Variants in ZFHX4 observed in about 807,000 individuals in gnomAD.
ZFHX4 encodes zinc finger homeobox 4, also known as zinc finger homeobox protein 4.
Under a neutral mutation model 267.6 loss-of-function variants are expected in ZFHX4, and 56 were observed. The observed-to-expected ratio is 0.21, with a 90% CI of 0.17 to 0.26. The LOEUF is 0.26. Ranked by LOEUF, ZFHX4 falls within the 10% of genes least tolerant of loss-of-function variation. The pLI is 1.00. For synonymous variants in ZFHX4, 1,778 were observed against 1,665.6 expected, an observed-to-expected ratio of 1.07 and a Z score of -1.64; for missense variants, 4,332 against 4,420.0, an observed-to-expected ratio of 0.98 and a Z score of 0.56.
At chr8:76,808,316 A>G (rs1381749085) in intron 4 of ZFHX4, among the ~76,000 whole-genome samples, 1 of 152,130 alleles carries the variant, frequency 6.6e-6, no homozygotes, top group Non-Finnish European at 1.5e-5. Context: ...AATCTATCTA[A>G]ACATTCTTCC....
chr8:76,770,960 G>A (rs1423667592), intron 3 of ZFHX4, among the ~76,000 whole-genome samples: 1 of 152,108 alleles, frequency 6.6e-6, no homozygotes, highest in East Asian at 1.9e-4. Flanking sequence ...TAGGTATAAG[G>A]ATTCCATTCT....
At chr8:76,731,679 C>A (rs1437977409) in intron 3 of ZFHX4, among the ~76,000 whole-genome samples, 2 of 151,820 alleles carry the variant, frequency 1.3e-5, no homozygotes. Context: ...TTCACACTTT[C>A]AGTATTAGTA....
intron 1 of ZFHX4, among the ~76,000 whole-genome samples, chr8:76,688,112 T>G (rs2131579148): frequency 6.6e-6 from 1 of 152,288 alleles, no homozygotes; most frequent in East Asian, 1.9e-4. Context: ...GGTTTGTATA[T>G]AGAAGAGTTT....
intron 1 of ZFHX4, among the ~76,000 whole-genome samples, chr8:76,683,485 C>T (rs1178571953): frequency 6.6e-6 from 1 of 151,580 alleles, no homozygotes; most frequent in Admixed American, 6.6e-5. Context: ...CAGACAGAGG[C>T]AGGTTCACCA....
rs79675616 is a variant in ZFHX4 at position 76,799,649 on chromosome 8, C to T, written c.3325+21210C>T. Among the ~76,000 whole-genome samples the T allele has an allele frequency of 7.8e-3, 1,191 of 152,286 alleles. 16 individuals are homozygous for T. The highest frequency in any genetic ancestry group is 0.028 in the African/African-American group (1,154 of 41,582). On this transcript the variant is annotated intron_variant, in intron 4 of 10. Coordinates refer to ENST00000651372, the MANE Select transcript of ZFHX4 (RefSeq NM_024721.5). ...AACAGGATTCTCTCTCACACATACT[C>T]GAGTGTTTACTAAGTGGTATTTTGA...
chr8:76,797,886 A>ATGTGTGTG (rs10694486), intron 4 of ZFHX4, among the ~76,000 whole-genome samples: 19 of 140,250 alleles, frequency 1.4e-4, no homozygotes, highest in Admixed American at 4.2e-4. Context: ...GTGTGTCTGT[A>ATGTGTGTG]TGTGTGTGTG....
Position 76,864,238 on chromosome 8 carries a change from A to T in ZFHX4, c.10524A>T (p.Ala3508=). 6.2e-7 allele frequency: 1 copy of T among 1,613,922 alleles called. No individual in the cohort carries two copies. Among genetic ancestry groups the T allele is most frequent in the Non-Finnish European group, 8.5e-7 (1 of 1,179,848 alleles). Residue 3508 remains alanine, a synonymous_variant, in exon 11 of 11, where the codon GCA becomes GCT. Transcript: ENST00000651372. Reference sequence around the variant, plus strand: ...ACACCACATCTACCTCGCAGTCTGCAGCTTCTTCTAATAACACCTATCCTC... The same window carrying T: ...ACACCACATCTACCTCGCAGTCTGCTGCTTCTTCTAATAACACCTATCCTC... The part of the protein sequence containing the change: ...NPNTTSTSQS[A]ASSNNTYPHL...
In ZFHX4 at chr8:76,850,370, A is replaced by G. The variant is rs545585883; in HGVS notation, c.3964+8A>G. The G allele has an allele frequency of 6.9e-6, 11 of 1,599,338 alleles. No individual in the cohort carries two copies. In the African/African-American group the frequency reaches 1.1e-4, roughly 16 times the overall value. ...GGTCTGGGAAATATTCAGGTATGCC[A>G]TCTTATCATCAAGACTTGTGAACAA... On this transcript the variant is annotated splice_region_variant and intron_variant, in intron 9 of 10. Transcript: ENST00000651372.
At chr8:76,832,692 T>G (rs1563547446) in intron 4 of ZFHX4, among the ~76,000 whole-genome samples, 2 of 152,154 alleles carry the variant, frequency 1.3e-5, no homozygotes, top group African/African-American at 4.8e-5. Flanking sequence ...GTTGTTTTGT[T>G]TATTCCATAG....
At chr8:76,702,270 G>A (rs1467745985) in intron 1 of ZFHX4, among the ~76,000 whole-genome samples, 1 of 152,074 alleles carries the variant, frequency 6.6e-6, no homozygotes, top group African/African-American at 2.4e-5. Flanking sequence ...AACGAATTTT[G>A]AATTCATTTT....
chr8:76,708,857 A>G (rs1808348507), intron 3 of ZFHX4, among the ~76,000 whole-genome samples: 1 of 152,182 alleles, frequency 6.6e-6, no homozygotes, highest in African/African-American at 2.4e-5. Context: ...TGGTTCATGT[A>G]CAAATATAAC....
intron 3 of ZFHX4, among the ~76,000 whole-genome samples, chr8:76,758,150 A>G (rs1189648653): frequency 6.6e-6 from 1 of 152,104 alleles, no homozygotes; most frequent in Non-Finnish European, 1.5e-5. Context: ...AATGGGCATG[A>G]AAACAAGTAA....
intron 1 of ZFHX4, 34 bp from the exon 2 acceptor site, chr8:76,704,008 TA>T: frequency 7.4e-7 from 1 of 1,349,296 alleles, no homozygotes; most frequent in Non-Finnish European, 1.0e-6. Flanking sequence ...CATTATTTAA[TA>T]AAAATGGCTT....
intron 3 of ZFHX4, among the ~76,000 whole-genome samples, chr8:76,745,397 C>T (rs561624065): frequency 4.6e-4 from 70 of 152,096 alleles, no homozygotes; most frequent in Non-Finnish European, 7.4e-4. Context: ...TTTTGTTATC[C>T]TTTCTTGGAG....
At chr8:76,718,566 C>G (rs1349514392) in intron 3 of ZFHX4, among the ~76,000 whole-genome samples, 1 of 151,974 alleles carries the variant, frequency 6.6e-6, no homozygotes, top group Non-Finnish European at 1.5e-5. Context: ...AAAATAGGTG[C>G]AAGGGGAATT....
At chr8:76,744,304 C>T (rs957407918) in intron 3 of ZFHX4, among the ~76,000 whole-genome samples, 1 of 152,054 alleles carries the variant, frequency 6.6e-6, no homozygotes, top group South Asian at 2.1e-4. Flanking sequence ...CGAGATCATG[C>T]CACTGCACTT....
Position 76,863,652 on chromosome 8 carries a change from G to C in ZFHX4, c.9938G>C (p.Gly3313Ala), listed in dbSNP as rs773256277. ...MPQTLAGLSP[G>A]ALLQQYQQYQ... ...CAGACACTGGCAGGTCTGTCCCCAGGTGCACTGTTGCAGCAGTACCAACAG... is the reference window on the plus strand; with the variant it reads ...CAGACACTGGCAGGTCTGTCCCCAGCTGCACTGTTGCAGCAGTACCAACAG... Residue 3313 changes from glycine (G) to alanine (A), a missense_variant, in exon 11 of 11, where the codon GGT (glycine) becomes GCT (alanine). Physicochemically the swap from Gly to Ala is moderately conservative, Grantham distance 60. This residue lies in a region of ZFHX4 where 1,648 missense variants were observed against 1,625.0 expected (regional missense o/e 1.01). Transcript: ENST00000651372. 3.1e-6 allele frequency: 5 copies of C among 1,610,858 alleles called. No individual in the cohort carries two copies. The East Asian group carries it at 1.1e-4, about 36-fold the overall frequency.
chr8:76,718,917 A>G (rs531892468), intron 3 of ZFHX4, among the ~76,000 whole-genome samples: 1 of 148,460 alleles, frequency 6.7e-6, no homozygotes, highest in African/African-American at 2.5e-5. Context: ...GATAAAGAAG[A>G]AAGTACACTG....
At chr8:76,773,236 A>G (rs1483296372) in intron 3 of ZFHX4, among the ~76,000 whole-genome samples, 1 of 152,154 alleles carries the variant, frequency 6.6e-6, no homozygotes, top group African/African-American at 2.4e-5. Flanking sequence ...TTAATATAGA[A>G]GGACCCAGGT....
Sources: gnomAD v4.1 joint callset for allele counts (sites outside exome capture counted in the v4.1 genomes callset) on GRCh38, gnomAD v4.1.1 for gene constraint, gnomAD v4.1.1 regional missense constraint, MANE v1.5 for transcripts, NCBI Gene and HGNC (gene_info 2026-07-23, HGNC 2026-07-21) for gene names.